Variants in PELI1 observed in about 807,000 individuals in gnomAD.
PELI1 encodes pellino E3 ubiquitin protein ligase 1.
In PELI1, 15 loss-of-function variants were observed where a neutral mutation model predicts 41.3. That is an observed-to-expected ratio of 0.36 (90% CI 0.24 to 0.56). The LOEUF is 0.56. PELI1 is among the 20% of genes least tolerant of loss of function. The pLI is 0.82. For synonymous variants in PELI1, 178 were observed against 180.1 expected (o/e 0.99, Z 0.09); for missense variants, 403 against 525.5 (o/e 0.77, Z 2.28).
chr2:64,106,511 G>GT (rs1680626566), intron 2 of PELI1, among the ~76,000 whole-genome samples: 1 of 152,144 alleles, frequency 6.6e-6, no homozygotes, highest in Non-Finnish European at 1.5e-5. Flanking sequence ...GTTAAGAGCT[G>GT]TTTGTCATTG....
intron 1 of PELI1, among the ~76,000 whole-genome samples, chr2:64,138,270 G>A (rs557723901): frequency 1.6e-3 from 240 of 152,212 alleles, no homozygotes; most frequent in Non-Finnish European, 2.9e-3. Flanking sequence ...TCTTGCAGTT[G>A]TAGGCACGCT....
At chr2:64,126,173 A>G (rs545663664) in intron 1 of PELI1, among the ~76,000 whole-genome samples, 1 of 150,832 alleles carries the variant, frequency 6.6e-6, no homozygotes, top group East Asian at 2.0e-4. Flanking sequence ...TGGTCTCCCT[A>G]TTTTTTTTTG....
chr2:64,133,429 A>G (rs1681621800), intron 1 of PELI1, among the ~76,000 whole-genome samples: 1 of 152,132 alleles, frequency 6.6e-6, no homozygotes, highest in Non-Finnish European at 1.5e-5. Context: ...GATGACAAAG[A>G]GATTTCATCA....
intron 1 of PELI1, among the ~76,000 whole-genome samples, chr2:64,112,326 T>G (rs1255027260): frequency 6.6e-6 from 1 of 152,164 alleles, no homozygotes; most frequent in Non-Finnish European, 1.5e-5. Flanking sequence ...TAAAGGGAAT[T>G]TGGGAGCTGG....
intron 1 of PELI1, among the ~76,000 whole-genome samples, chr2:64,140,804 C>CAAAAAAA (rs200569281): frequency 9.7e-6 from 1 of 102,608 alleles, no homozygotes. Context: ...AAAAAACAAA[C>CAAAAAAA]AAACAAAAAA....
intron 1 of PELI1, among the ~76,000 whole-genome samples, chr2:64,127,055 T>C (rs953529471): frequency 6.6e-6 from 1 of 152,164 alleles, no homozygotes; most frequent in African/African-American, 2.4e-5. Context: ...ATCTGTATAG[T>C]AAAGAAAAAT....
intron 5 of PELI1, 40 bp downstream of exon 5, chr2:64,096,373 A>C (rs751290609): frequency 1.9e-6 from 3 of 1,589,914 alleles, no homozygotes; most frequent in Admixed American, 3.4e-5. Flanking sequence ...AATGAAAGCT[A>C]GTATAAAAGA....
At chr2:64,136,187 A>G (rs1198075339) in intron 1 of PELI1, among the ~76,000 whole-genome samples, 2 of 152,106 alleles carry the variant, frequency 1.3e-5, no homozygotes, top group Admixed American at 6.5e-5. Flanking sequence ...ATGAAAAACC[A>G]CTGCCACTTT....
intron 1 of PELI1, among the ~76,000 whole-genome samples, chr2:64,138,492 C>T (rs1232325989): frequency 1.3e-5 from 2 of 152,128 alleles, no homozygotes; most frequent in African/African-American, 2.4e-5. Context: ...CTTTGGGAGG[C>T]GGAGGTAGGT....
At chr2:64,128,206 A>C (rs1418476237) in intron 1 of PELI1, among the ~76,000 whole-genome samples, 2 of 152,184 alleles carry the variant, frequency 1.3e-5, no homozygotes, top group Admixed American at 6.5e-5. Context: ...TCTAAAATTC[A>C]GGTTAGTTCA....
intron 4 of PELI1, among the ~76,000 whole-genome samples, chr2:64,099,187 C>CACAG (rs1680341219): frequency 6.6e-6 from 1 of 151,726 alleles, no homozygotes. Context: ...CACACACACA[C>CACAG]ACACACACAC....
chr2:64,110,203 C>T (rs1316322972), intron 1 of PELI1, among the ~76,000 whole-genome samples: 1 of 148,708 alleles, frequency 6.7e-6, no homozygotes, highest in Non-Finnish European at 1.5e-5. Context: ...CAAAATTGCG[C>T]CACTGCACTC....
At chr2:64,130,103 A>G (rs538685843) in intron 1 of PELI1, among the ~76,000 whole-genome samples, 29 of 152,298 alleles carry the variant, frequency 1.9e-4, no homozygotes, top group African/African-American at 6.3e-4. Flanking sequence ...TGAATCCACC[A>G]TAATTCCAGA....
chr2:64,120,131 C>T (rs967761860), intron 1 of PELI1, among the ~76,000 whole-genome samples: 1 of 152,158 alleles, frequency 6.6e-6, no homozygotes, highest in African/African-American at 2.4e-5. Flanking sequence ...TACGGAGGAA[C>T]TACAGCAGTA....
At chr2:64,108,620 T>C (rs1174664162) in intron 1 of PELI1, among the ~76,000 whole-genome samples, 1 of 152,234 alleles carries the variant, frequency 6.6e-6, no homozygotes, top group African/African-American at 2.4e-5. Flanking sequence ...TTTTCCCTTT[T>C]ATTTCTGCTA....
At chr2:64,126,853 A>G (rs1378157958) in intron 1 of PELI1, among the ~76,000 whole-genome samples, 1 of 152,168 alleles carries the variant, frequency 6.6e-6, no homozygotes. Flanking sequence ...ATAAAGATAA[A>G]AAAGACAAGG....
chr2:64,112,740 T>C (rs1341262608), intron 1 of PELI1, among the ~76,000 whole-genome samples: 2 of 152,168 alleles, frequency 1.3e-5, no homozygotes, highest in Non-Finnish European at 1.5e-5. Flanking sequence ...AAGATAGTTT[T>C]CAAAATTTAA....
chr2:64,116,232 C>G (rs528594563), intron 1 of PELI1, among the ~76,000 whole-genome samples: 1 of 152,182 alleles, frequency 6.6e-6, no homozygotes, highest in South Asian at 2.1e-4. Flanking sequence ...CTAGAAAATA[C>G]ATTTTTAAAC....
In PELI1 at chr2:64,096,108, T is replaced by C. The variant is rs1370185658; in HGVS notation, c.690+17A>G. The C allele has an allele frequency of 1.3e-6, 2 of 1,576,290 alleles. No individual in the cohort carries two copies. The highest frequency in any genetic ancestry group is 1.7e-6 in the Non-Finnish European group (2 of 1,149,136). On this transcript the variant is annotated intron_variant, in intron 6 of 6. Transcript: ENST00000358912. The stretch of plus-strand genomic sequence containing the variant: ...TGTTTATTGTAGCTAATTAAGAAAA[T>C]ACCATTCAGTATTTACCATTTTTCC...
Sources: gnomAD v4.1 joint callset for allele counts (sites outside exome capture counted in the v4.1 genomes callset) on GRCh38, gnomAD v4.1.1 for gene constraint, MANE v1.5 for transcripts, NCBI Gene and HGNC (gene_info 2026-07-23, HGNC 2026-07-21) for gene names.